Variants in GRID2 observed in about 807,000 individuals in gnomAD.
GRID2 encodes the protein glutamate receptor ionotropic, delta-2.
A neutral mutation model predicts 114.8 loss-of-function variants in GRID2; 33 were observed. That is an observed-to-expected ratio of 0.29 (90% confidence interval 0.22 to 0.38). GRID2 has a LOEUF of 0.38. Among genes scored for constraint, GRID2 ranks in the 10% least tolerant of loss-of-function variants. The pLI is 1.00. For synonymous variants in GRID2, 505 were observed against 449.9 expected (o/e 1.12, Z -1.55); for missense variants, 1,184 against 1,257.7 (o/e 0.94, Z 0.89).
chr4:93,575,355 A>G (rs1736320307), intron 13 of GRID2, among the ~76,000 whole-genome samples: 2 of 152,098 alleles, frequency 1.3e-5, no homozygotes, highest in Admixed American at 1.3e-4. Flanking sequence ...TCACGTGTGT[A>G]CTCCTTGTTT....
chr4:93,154,862 C>T, intron 4 of GRID2, among the ~76,000 whole-genome samples: 1 of 152,050 alleles, frequency 6.6e-6, no homozygotes, highest in Non-Finnish European at 1.5e-5. Context: ...CATTCTCTGT[C>T]CTTCTTCTCT....
chr4:93,001,081 T>A (rs1261778716), intron 2 of GRID2, among the ~76,000 whole-genome samples: 3 of 151,700 alleles, frequency 2.0e-5, no homozygotes, highest in African/African-American at 4.8e-5. Flanking sequence ...TAGCTCCTGA[T>A]GAAAACATAT....
chr4:93,058,507 CCAAAG>C (rs1727472516), intron 2 of GRID2, among the ~76,000 whole-genome samples: 1 of 152,012 alleles, frequency 6.6e-6, no homozygotes, highest in East Asian at 1.9e-4. Context: ...AATGAGTTTG[CCAAAG>C]AAATCGTGGC....
intron 8 of GRID2, among the ~76,000 whole-genome samples, chr4:93,340,931 T>C (rs1315204705): frequency 6.6e-6 from 1 of 152,182 alleles, no homozygotes; most frequent in Non-Finnish European, 1.5e-5. Context: ...TCTTTATGCC[T>C]GGCATTTCCA....
intron 2 of GRID2, among the ~76,000 whole-genome samples, chr4:92,689,565 G>A (rs560933830): frequency 5.3e-5 from 8 of 152,322 alleles, no homozygotes; most frequent in African/African-American, 1.9e-4. Flanking sequence ...GAATCCTGTT[G>A]TGTGAACTGC....
At chr4:92,353,232 ATTCTCT>A (rs568638514) in intron 1 of GRID2, among the ~76,000 whole-genome samples, 84 of 149,680 alleles carry the variant, frequency 5.6e-4, no homozygotes, top group African/African-American at 1.9e-3. Flanking sequence ...AGTTTTCCTG[ATTCTCT>A]TTATTGCTTT....
chr4:93,377,800 T>C (rs181941147), intron 8 of GRID2, among the ~76,000 whole-genome samples: 2 of 152,074 alleles, frequency 1.3e-5, no homozygotes, highest in Non-Finnish European at 2.9e-5. Flanking sequence ...GTCTCAAAAT[T>C]GACAGTTTTT....
intron 8 of GRID2, among the ~76,000 whole-genome samples, chr4:93,239,811 A>C (rs1196592394): frequency 6.6e-6 from 1 of 151,584 alleles, no homozygotes; most frequent in African/African-American, 2.4e-5. Flanking sequence ...TTACGATGTT[A>C]ATTTATTTGC....
chr4:93,573,569 T>A (rs1736131361), intron 13 of GRID2, among the ~76,000 whole-genome samples: 1 of 152,150 alleles, frequency 6.6e-6, no homozygotes, highest in Non-Finnish European at 1.5e-5. Flanking sequence ...TCTATGGGAT[T>A]TTTTCTGCCA....
rs542500745 is a variant in GRID2, at chr4:92,655,405, CTTT to C, written c.244+65120_244+65122del. On this transcript the variant is annotated intron_variant, in intron 2 of 15. Transcript: ENST00000282020. Reference sequence around the variant, plus strand: ...ATACTAATTTTTGGATTGCTTTCTTCTTTGTTTTTATGAAAAATAACTTTTGTG... The same window carrying C: ...ATACTAATTTTTGGATTGCTTTCTTCGTTTTTATGAAAAATAACTTTTGTG... Among the ~76,000 whole-genome samples the C allele has an allele frequency of 2.4e-4, 36 of 151,746 alleles. No individual in the cohort carries two copies. The South Asian group carries it at 7.5e-3, about 32-fold the overall frequency.
intron 1 of GRID2, among the ~76,000 whole-genome samples, chr4:92,554,424 C>T (rs1726750891): frequency 6.6e-6 from 1 of 152,122 alleles, no homozygotes; most frequent in Non-Finnish European, 1.5e-5. Context: ...ATAAAGCTTG[C>T]TGAAGACCAT....
At chr4:92,653,577 A>G (rs939358003) in intron 2 of GRID2, among the ~76,000 whole-genome samples, 1 of 151,990 alleles carries the variant, frequency 6.6e-6, no homozygotes, top group Non-Finnish European at 1.5e-5. Context: ...GTGTTAAACT[A>G]TGTCTTACTT....
At chr4:93,678,953 G>A (rs1350711406) in intron 14 of GRID2, among the ~76,000 whole-genome samples, 2 of 150,830 alleles carry the variant, frequency 1.3e-5, no homozygotes, top group Non-Finnish European at 2.9e-5. Flanking sequence ...TAAACGGACT[G>A]AATCCTCCAA....
chr4:92,557,985 C>T (rs1726938106), intron 1 of GRID2, among the ~76,000 whole-genome samples: 1 of 152,108 alleles, frequency 6.6e-6, no homozygotes, highest in Non-Finnish European at 1.5e-5. Flanking sequence ...TAGATTTTGT[C>T]ATCACAAATC....
chr4:92,586,355 TACACACACACACACACAC>T (rs200184543), intron 1 of GRID2, among the ~76,000 whole-genome samples: 7 of 145,982 alleles, frequency 4.8e-5, no homozygotes, highest in Middle Eastern at 3.4e-3. Context: ...ACAAAAAATC[TACACACACACACACACAC>T]ACACACACAC....
intron 1 of GRID2, among the ~76,000 whole-genome samples, chr4:92,318,310 T>TA (rs1726112902): frequency 0.029 from 2,135 of 74,232 alleles, 15 homozygotes; most frequent in Non-Finnish European, 0.038. Context: ...ATATATATAT[T>TA]TTTTTTTTTT....
At chr4:92,887,100 A>G (rs1746427433) in intron 2 of GRID2, among the ~76,000 whole-genome samples, 3 of 152,094 alleles carry the variant, frequency 2.0e-5, no homozygotes, top group African/African-American at 7.2e-5. Context: ...TACTGTTAAT[A>G]TGGTGTTTTG....
At chr4:93,040,404 G>A (rs1725398138) in intron 2 of GRID2, among the ~76,000 whole-genome samples, 1 of 152,112 alleles carries the variant, frequency 6.6e-6, no homozygotes, top group Non-Finnish European at 1.5e-5. Flanking sequence ...CCAAGATGGT[G>A]ACAGAAATTT....
At chr4:92,442,942 T>C (rs28867968) in intron 1 of GRID2, among the ~76,000 whole-genome samples, 21,084 of 149,706 alleles carry the variant, frequency 0.14, 1,565 homozygotes, top group Non-Finnish European at 0.17. Flanking sequence ...GGAGGGGAGG[T>C]GATAAAAAGA....
Sources: gnomAD v4.1 joint callset for allele counts (sites outside exome capture counted in the v4.1 genomes callset) on GRCh38, gnomAD v4.1.1 for gene constraint, MANE v1.5 for transcripts, NCBI Gene and HGNC (gene_info 2026-07-23, HGNC 2026-07-21) for gene names.